Variants in IQGAP2 observed in about 807,000 individuals in gnomAD.
IQGAP2 encodes the protein IQ motif containing GTPase activating protein 2.
A neutral mutation model predicts 201.3 loss-of-function variants in IQGAP2; 173 were observed. The observed-to-expected ratio is 0.86, with a 90% CI of 0.76 to 0.98. The LOEUF (loss-of-function observed/expected upper bound fraction) is 0.98, where lower values mean the gene tolerates loss of function less well. IQGAP2 is among the 50% of genes least tolerant of loss of function. IQGAP2 has a pLI of 0.00. For missense variants in IQGAP2, 1,687 were observed against 1,864.8 expected, an observed-to-expected ratio of 0.90 and a Z score of 1.76; for synonymous variants, 675 against 673.9, an observed-to-expected ratio of 1.00 and a Z score of -0.03.
intron 1 of IQGAP2, among the ~76,000 whole-genome samples, chr5:76,426,706 G>A (rs1752020530): frequency 1.3e-5 from 2 of 152,170 alleles, no homozygotes; most frequent in Admixed American, 6.5e-5. Context: ...CTGGACGAGA[G>A]GATCACTAAG....
chr5:76,615,574 T>A (rs1047530), intron 13 of IQGAP2: 1 of 152,018 alleles, frequency 6.6e-6, no homozygotes, highest in Non-Finnish European at 1.5e-5. Flanking sequence ...ATCTCAGGAA[T>A]CTTTTATGCT....
intron 1 of IQGAP2, among the ~76,000 whole-genome samples, chr5:76,445,777 T>G (rs954283151): frequency 2.6e-5 from 4 of 152,228 alleles, no homozygotes; most frequent in African/African-American, 9.6e-5. Flanking sequence ...TTCAACCATT[T>G]TTAAGTGTAC....
intron 2 of IQGAP2, among the ~76,000 whole-genome samples, chr5:76,551,977 A>G (rs991077184): frequency 2.6e-5 from 4 of 152,014 alleles, no homozygotes; most frequent in Non-Finnish European, 4.4e-5. Flanking sequence ...TTGGACAATG[A>G]CAGCCTCACC....
At chr5:76,504,492 T>C (rs1389667473) in intron 2 of IQGAP2, among the ~76,000 whole-genome samples, 5 of 152,194 alleles carry the variant, frequency 3.3e-5, no homozygotes, top group African/African-American at 1.2e-4. Flanking sequence ...GTACCTTCTC[T>C]ATATGGTATA....
chr5:76,420,434 G>A (rs1219358016), intron 1 of IQGAP2, among the ~76,000 whole-genome samples: 2 of 147,780 alleles, frequency 1.4e-5, no homozygotes, highest in Non-Finnish European at 3.0e-5. Flanking sequence ...GGAGTGCACT[G>A]GCATGATCTC....
At chr5:76,450,826 C>T (rs1753693899) in intron 1 of IQGAP2, among the ~76,000 whole-genome samples, 1 of 152,154 alleles carries the variant, frequency 6.6e-6, no homozygotes, top group Admixed American at 6.5e-5. Flanking sequence ...AATCTAATCA[C>T]ATTGAAATAT....
At chr5:76,673,631 C>A (rs375030439) in intron 25 of IQGAP2, 42 bp downstream of exon 25, 1 of 1,599,608 alleles carries the variant, frequency 6.3e-7, no homozygotes, top group Non-Finnish European at 8.6e-7. Context: ...TTTCCTGGAA[C>A]GTTCTTGGAA....
intron 2 of IQGAP2, among the ~76,000 whole-genome samples, chr5:76,541,982 GTGTA>G (rs1166117151): frequency 2.6e-5 from 4 of 152,124 alleles, no homozygotes; most frequent in African/African-American, 9.7e-5. Context: ...TTTTGTGTGC[GTGTA>G]TGTGTGTATG....
At chr5:76,448,608 G>A (rs1753544208) in intron 1 of IQGAP2, among the ~76,000 whole-genome samples, 1 of 152,158 alleles carries the variant, frequency 6.6e-6, no homozygotes, top group Non-Finnish European at 1.5e-5. Context: ...ATAAGTGGAA[G>A]CATCAGGATA....
chr5:76,475,093 T>A (rs1755335966), intron 2 of IQGAP2, among the ~76,000 whole-genome samples: 1 of 152,064 alleles, frequency 6.6e-6, no homozygotes, highest in African/African-American at 2.4e-5. Context: ...TGAGGCTGTC[T>A]CAGCTCTCAG....
intron 1 of IQGAP2, among the ~76,000 whole-genome samples, chr5:76,411,052 G>A (rs1751084349): frequency 6.6e-6 from 1 of 152,198 alleles, no homozygotes; most frequent in African/African-American, 2.4e-5. Context: ...AGCATCTCCT[G>A]AGAGCTTGTT....
chr5:76,623,120 TAACAGA>T (rs1189846938), intron 13 of IQGAP2: 1 of 1,581,060 alleles, frequency 6.3e-7, no homozygotes, highest in Non-Finnish European at 8.7e-7. Flanking sequence ...TCTTAATTTG[TAACAGA>T]AACCCACATC....
intron 30 of IQGAP2, 150 bp from the exon 31 acceptor site, chr5:76,693,205 C>T (rs1016630371): frequency 3.5e-6 from 2 of 569,540 alleles, no homozygotes; most frequent in Non-Finnish European, 6.3e-6. Flanking sequence ...TTATAGCAGA[C>T]CTGGTGAATA....
chr5:76,496,649 A>T (rs1165307167), intron 2 of IQGAP2, among the ~76,000 whole-genome samples: 1 of 152,012 alleles, frequency 6.6e-6, no homozygotes, highest in Non-Finnish European at 1.5e-5. Context: ...TCATATTCAC[A>T]TGTGTTTCAA....
intron 1 of IQGAP2, among the ~76,000 whole-genome samples, chr5:76,411,099 A>C (rs1307652077): frequency 1.3e-5 from 2 of 152,202 alleles, no homozygotes; most frequent in Non-Finnish European, 2.9e-5. Context: ...CAGACCTGCC[A>C]AATCAGAAAG....
chr5:76,596,642 G>C (rs1254727900), intron 9 of IQGAP2, among the ~76,000 whole-genome samples: 1 of 152,154 alleles, frequency 6.6e-6, no homozygotes, highest in African/African-American at 2.4e-5. Context: ...CATGGCAGAA[G>C]GTGATGGGGA....
intron 35 of IQGAP2, among the ~76,000 whole-genome samples, chr5:76,704,962 G>T (rs1747745159): frequency 1.3e-5 from 2 of 152,078 alleles, no homozygotes; most frequent in Admixed American, 1.3e-4. Flanking sequence ...TTTCCCTTCA[G>T]TTCCTAAAGA....
chr5:76,520,771 G>C (rs920415993), intron 2 of IQGAP2, among the ~76,000 whole-genome samples: 2 of 137,196 alleles, frequency 1.5e-5, no homozygotes, highest in Non-Finnish European at 3.0e-5. Context: ...TGAGTGGCAC[G>C]ATCTCGGCTC....
chr5:76,591,459 G>A (rs1746647349), intron 8 of IQGAP2, among the ~76,000 whole-genome samples: 1 of 152,164 alleles, frequency 6.6e-6, no homozygotes, highest in Non-Finnish European at 1.5e-5. Context: ...TACGCTGAGA[G>A]CTTCTACTTC....
Sources: gnomAD v4.1 joint callset for allele counts (sites outside exome capture counted in the v4.1 genomes callset) on GRCh38, gnomAD v4.1.1 for gene constraint, MANE v1.5 for transcripts, NCBI Gene and HGNC (gene_info 2026-07-23, HGNC 2026-07-21) for gene names.